SRSF4: variants seen among roughly 807,000 people sequenced by gnomAD.
SRSF4 encodes the protein serine/arginine-rich splicing factor 4.
A neutral mutation model predicts 48.8 loss-of-function variants in SRSF4; 12 were observed. The ratio of observed to expected loss-of-function variants is 0.25; its 90% CI spans 0.16 to 0.40. The LOEUF (loss-of-function observed/expected upper bound fraction) is 0.40, where lower values mean the gene tolerates loss of function less well. Among genes scored for constraint, SRSF4 ranks in the 10% least tolerant of loss-of-function variants. SRSF4 has a pLI of 1.00. For missense variants in SRSF4, 466 were observed against 667.1 expected (o/e 0.70, Z 3.32); for synonymous variants, 248 against 232.5 (o/e 1.07, Z -0.61).
At chr1:29,159,312 T>G in intron 3 of SRSF4, 62 bp downstream of exon 3, 3 of 1,147,190 alleles carry the variant, frequency 2.6e-6, no homozygotes, top group Non-Finnish European at 3.9e-6. Flanking sequence ...TGCACAAATC[T>G]ACCTGTTTCC....
At chr1:29,159,143 C>CCAAA (rs1672555309) in intron 3 of SRSF4, among the ~76,000 whole-genome samples, 1 of 150,162 alleles carries the variant, frequency 6.7e-6, no homozygotes, top group Non-Finnish European at 1.5e-5. Flanking sequence ...CCAAACCAAA[C>CCAAA]CAAACCAAAC....
intron 1 of SRSF4, among the ~76,000 whole-genome samples, chr1:29,178,697 TC>T (rs1286160368): frequency 6.6e-6 from 1 of 152,178 alleles, no homozygotes; most frequent in Non-Finnish European, 1.5e-5. Flanking sequence ...CAAACATGCT[TC>T]CCAGTAGGGA....
Position 29,174,617 on chromosome 1 carries a change from GA to G in SRSF4, c.107+7028del, listed in dbSNP as rs755329393. Among the ~76,000 whole-genome samples the G allele has an allele frequency of 8.8e-4, 123 of 139,282 alleles. 1 individual carries two copies. Among genetic ancestry groups the G allele is most frequent in the East Asian group, 4.7e-3 (23 of 4,888 alleles). 91.4% of individuals were successfully genotyped at this position (139,282 alleles called of 152,430 possible). A position where few individuals can be genotyped will look rare whatever the true frequency, so the allele number is the denominator to read the frequency against. ...AACTTATAGTATGATTCCAAGTTTG[GA>G]AAAAAAAAAGGAGTCAGGAGAGGCA... On this transcript the variant is annotated intron_variant, in intron 1 of 5. Coordinates refer to ENST00000373795, the MANE Select transcript of SRSF4 (RefSeq NM_005626.5).
At chr1:29,173,131 T>A (rs1413570774) in intron 1 of SRSF4, 2 of 18,380 alleles carry the variant, frequency 1.1e-4, no homozygotes, top group Non-Finnish European at 3.6e-4. Context: ...TCAAAAAGGC[T>A]TTTTTTTTTT....
chr1:29,162,958 A>C (rs890922821), intron 1 of SRSF4, among the ~76,000 whole-genome samples: 2 of 152,180 alleles, frequency 1.3e-5, no homozygotes, highest in Non-Finnish European at 2.9e-5. Flanking sequence ...ATTCTCCCAG[A>C]CTCAAAGATC....
At chr1:29,164,114 T>C (rs1036607719) in intron 1 of SRSF4, among the ~76,000 whole-genome samples, 2 of 152,168 alleles carry the variant, frequency 1.3e-5, no homozygotes, top group Non-Finnish European at 2.9e-5. Flanking sequence ...GCCTCCCAAG[T>C]AGCTGGGATT....
At chr1:29,158,672 G>A (rs1473670871) in intron 3 of SRSF4, among the ~76,000 whole-genome samples, 2 of 152,110 alleles carry the variant, frequency 1.3e-5, no homozygotes, top group Non-Finnish European at 2.9e-5. Flanking sequence ...ACACATTTGG[G>A]CCAGGTTTCT....
chr1:29,165,731 A>G (rs35004808), intron 1 of SRSF4, among the ~76,000 whole-genome samples: 2,041 of 152,336 alleles, frequency 0.013, 20 homozygotes, highest in Middle Eastern at 0.085. Context: ...GGGGTGCTCA[A>G]TACCAGAAAC....
Position 29,160,594 on chromosome 1 carries a change from A to C in SRSF4, c.108-77T>G. The stretch of plus-strand genomic sequence containing the variant: ...CACTAACATTAAAGAGAAAGCAATG[A>C]GGTTCATGCTTAGCAAAGGTTAGGT... On this transcript the variant is annotated intron_variant, in intron 1 of 5. Coordinates refer to ENST00000373795, the MANE Select transcript of SRSF4 (RefSeq NM_005626.5). 6 of 1,476,106 alleles carry C rather than the reference A, an allele frequency of 4.1e-6. 1 individual carries two copies. The South Asian group carries it at 8.2e-5, about 20-fold the overall frequency. 91.4% of individuals were successfully genotyped at this position (1,476,106 alleles called of 1,614,324 possible).
intron 1 of SRSF4, among the ~76,000 whole-genome samples, chr1:29,165,200 G>C (rs1421124114): frequency 1.3e-5 from 2 of 152,162 alleles, no homozygotes; most frequent in Non-Finnish European, 1.5e-5. Context: ...GGCACCATGA[G>C]TCTTACCAAG....
At chr1:29,149,380 A>C (rs894271305) in intron 5 of SRSF4, among the ~76,000 whole-genome samples, 154 bp from the exon 6 acceptor site, 1 of 152,144 alleles carries the variant, frequency 6.6e-6, no homozygotes, top group Non-Finnish European at 1.5e-5. Flanking sequence ...CACAATGCCA[A>C]TCAGAAGCTG....
chr1:29,159,254 G>C (rs1244624379), intron 3 of SRSF4, 120 bp downstream of exon 3: 2 of 614,826 alleles, frequency 3.3e-6, no homozygotes, highest in Admixed American at 3.1e-5. Context: ...TTCCAGCTCT[G>C]TGCAGGCTTT....
At chr1:29,176,542 G>A (rs1009484151) in intron 1 of SRSF4, among the ~76,000 whole-genome samples, 3 of 149,708 alleles carry the variant, frequency 2.0e-5, no homozygotes, top group Non-Finnish European at 3.0e-5. Context: ...CCAGAAACCA[G>A]CAACCTGGAA....
At chr1:29,163,499 A>G (rs1157960141) in intron 1 of SRSF4, among the ~76,000 whole-genome samples, 1 of 152,248 alleles carries the variant, frequency 6.6e-6, no homozygotes, top group Non-Finnish European at 1.5e-5. Flanking sequence ...AATAAAGCAA[A>G]GAGCAGATCA....
intron 4 of SRSF4, among the ~76,000 whole-genome samples, chr1:29,150,643 C>T (rs1672395691): frequency 6.6e-6 from 1 of 152,168 alleles, no homozygotes; most frequent in African/African-American, 2.4e-5. Flanking sequence ...ATGAAGTCAC[C>T]TGCAAACCTT....
chr1:29,157,927 T>C (rs561039362), intron 3 of SRSF4, among the ~76,000 whole-genome samples: 1 of 152,152 alleles, frequency 6.6e-6, no homozygotes, highest in Non-Finnish European at 1.5e-5. Context: ...CCCAGCACTT[T>C]AGGAGGCCAA....
At chr1:29,149,346 G>A (rs2151811164) in intron 5 of SRSF4, 120 bp from the exon 6 acceptor site, 2 of 1,252,646 alleles carry the variant, frequency 1.6e-6, no homozygotes, top group Admixed American at 2.7e-5. Context: ...GCTGGCACTG[G>A]CTGAGGATTG....
At chr1:29,180,912 G>A (rs929312910) in intron 1 of SRSF4, among the ~76,000 whole-genome samples, 3 of 152,176 alleles carry the variant, frequency 2.0e-5, no homozygotes, top group African/African-American at 7.2e-5. Flanking sequence ...TAGCCAGGGT[G>A]GCCACTATTC....
Position 29,154,920 on chromosome 1 carries a change from A to G in SRSF4, c.364-10T>C. ...CCTGACGCATATAATCCTGAAGAAA[A>G]AAAAAAGTGTGACTACATTAGGATA... On this transcript the variant is annotated splice_polypyrimidine_tract_variant and intron_variant, in intron 3 of 5. Transcript: ENST00000373795. 6.2e-7 allele frequency: 1 copy of G among 1,604,758 alleles called. No homozygotes were observed. Among genetic ancestry groups the G allele is most frequent in the Non-Finnish European group, 8.5e-7 (1 of 1,177,150 alleles).
Sources: gnomAD v4.1 joint callset for allele counts (sites outside exome capture counted in the v4.1 genomes callset) on GRCh38, gnomAD v4.1.1 for gene constraint, MANE v1.5 for transcripts, NCBI Gene and HGNC (gene_info 2026-07-23, HGNC 2026-07-21) for gene names.